The following MYO10 variants were observed in gnomAD, a reference collection of about 807,000 sequenced individuals.
MYO10 encodes myosin X.
Under a neutral mutation model 257.3 loss-of-function variants are expected in MYO10, and 133 were observed. The observed-to-expected ratio is 0.52, with a 90% confidence interval of 0.45 to 0.60. The LOEUF (loss-of-function observed/expected upper bound fraction) is 0.60, where lower values mean the gene tolerates loss of function less well. MYO10 is among the 20% of genes least tolerant of loss of function. The probability of loss-of-function intolerance (pLI) is 0.00; values close to 1 mark genes in which losing one functional copy is unlikely to be tolerated. For synonymous variants in MYO10, 1,104 were observed against 1,028.6 expected (o/e 1.07, Z -1.40); for missense variants, 2,399 against 2,635.7 (o/e 0.91, Z 1.97).
chr5:16,702,483 G>A, intron 24 of MYO10, 60 bp downstream of exon 24: 1 of 1,432,296 alleles, frequency 7.0e-7, no homozygotes. Context: ...TAGAGTCCAA[G>A]CATTAGAAGT....
Position 16,694,496 on chromosome 5 carries a change from GC to G in MYO10, c.3674del (p.Gly1225AlafsTer22), listed in dbSNP as rs760302326. The G allele has an allele frequency of 5.0e-6, 8 of 1,613,498 alleles. No homozygotes were observed. Among genetic ancestry groups the G allele is most frequent in the South Asian group, 1.1e-5 (1 of 91,062 alleles). Reference sequence around the variant, plus strand: ...AATTTCTCCTGGACAGCGTGGAGGAGCCCCCCCCTTTTTTGTGGAGCCAGCC... The same window carrying G: ...AATTTCTCCTGGACAGCGTGGAGGAGCCCCCCCTTTTTTGTGGAGCCAGCC... ...KQGWLHKKGG[G>X]SSTLSRRNWK... On this transcript the variant is annotated frameshift_variant, in exon 27 of 41. Transcript: ENST00000513610. LOFTEE classifies it high-confidence loss of function.
At chr5:16,811,555 T>C (rs1048669018) in intron 3 of MYO10, among the ~76,000 whole-genome samples, 5 of 152,184 alleles carry the variant, frequency 3.3e-5, no homozygotes, top group African/African-American at 1.2e-4. Flanking sequence ...TTCTTTTCTT[T>C]TTCTCTTTTG....
Position 16,895,476 on chromosome 5 carries a change from C to T in MYO10, c.22-17769G>A, listed in dbSNP as rs573572054. Among the ~76,000 whole-genome samples the T allele has an allele frequency of 2.0e-5, 3 of 152,274 alleles. No homozygotes were observed. The South Asian group carries it at 6.2e-4, about 32-fold the overall frequency. ...TACTGGCTCCTCATCAGCTTCTCCA[C>T]TACCCCTGGATGACACGCCCCATCT... On this transcript the variant is annotated intron_variant, in intron 1 of 40. Transcript: ENST00000513610.
intron 1 of MYO10, among the ~76,000 whole-genome samples, chr5:16,884,631 A>C (rs1744844625): frequency 6.6e-6 from 1 of 150,556 alleles, no homozygotes; most frequent in Non-Finnish European, 1.5e-5. Flanking sequence ...CAAGGACTTA[A>C]GCAGCACTTT....
chr5:16,694,639 G>T (rs1476492560), intron 26 of MYO10, 25 bp from the exon 27 acceptor site: 1 of 1,610,976 alleles, frequency 6.2e-7, no homozygotes, highest in African/African-American at 1.3e-5. Context: ...ATTGGGTAGA[G>T]AGGGGTGAAA....
chr5:16,829,197 G>A (rs556841979), intron 2 of MYO10, among the ~76,000 whole-genome samples: 8 of 152,270 alleles, frequency 5.3e-5, no homozygotes, highest in African/African-American at 1.4e-4. Flanking sequence ...GTGGTTGAGC[G>A]TGGCTGCAGC....
At chr5:16,863,508 ACACCTCAC>A (rs1744161499) in intron 2 of MYO10, among the ~76,000 whole-genome samples, 1 of 152,172 alleles carries the variant, frequency 6.6e-6, no homozygotes, top group East Asian at 1.9e-4. Context: ...AAGGTCTACA[ACACCTCAC>A]ATAGCCCACA....
intron 5 of MYO10, among the ~76,000 whole-genome samples, chr5:16,782,983 A>G (rs1741467362): frequency 6.6e-6 from 1 of 152,166 alleles, no homozygotes; most frequent in African/African-American, 2.4e-5. Flanking sequence ...AGGCCTCCAG[A>G]AAACTAGTCA....
In MYO10 at chr5:16,700,969, C is replaced by T. The variant is rs373222391; in HGVS notation, c.3426G>A (p.Gln1142=). The change falls in exon 25 of 41, where the codon CAG becomes CAA. Residue 1142 remains glutamine, a synonymous_variant. Transcript: ENST00000513610. ...ACGCCAGGCAGGTACTTACCGAGGA[C>T]TGCGCCCCCTCAGAGCTGAACCGGT... The part of the protein sequence containing the change: ...GAYRFSSEGA[Q]SSFEDSEEDF... The T allele has an allele frequency of 9.1e-5, 142 of 1,552,722 alleles. 1 individual carries two copies. The highest frequency in any genetic ancestry group is 3.4e-4 in the Middle Eastern group (2 of 5,962).
rs560961175 is a variant in MYO10 at position 16,869,093 on chromosome 5, C to A, written c.120+8516G>T. ...AGCGTGGAGTGCAGTGGCGCCATTG[C>A]GGCTCACTGCAAGCTCCGTCTCCCA... is the stretch of plus-strand genomic sequence containing the variant. On this transcript the variant is annotated intron_variant, in intron 2 of 40. Coordinates refer to ENST00000513610, the MANE Select transcript of MYO10 (RefSeq NM_012334.3). Among the ~76,000 whole-genome samples the A allele has an allele frequency of 1.1e-3, 163 of 151,984 alleles. 1 individual carries two copies. The highest frequency in any genetic ancestry group is 1.2e-3 in the Non-Finnish European group (82 of 67,988).
intron 19 of MYO10, among the ~76,000 whole-genome samples, chr5:16,715,350 A>C (rs1278097383): frequency 2.0e-5 from 3 of 151,078 alleles, no homozygotes; most frequent in African/African-American, 7.3e-5. Context: ...TGTTTCAGTC[A>C]ACGACAGACT....
chr5:16,713,185 GC>G, intron 19 of MYO10: 1 of 447,252 alleles, frequency 2.2e-6, no homozygotes, highest in South Asian at 9.4e-5. Context: ...TATCTCTCAG[GC>G]TTTCCCTGTT....
chr5:16,710,729 C>G (rs1738559420), intron 21 of MYO10, 179 bp downstream of exon 21: 1 of 604,670 alleles, frequency 1.7e-6, no homozygotes, highest in Non-Finnish European at 2.9e-6. Context: ...AAGGACTTCA[C>G]TTCAAATAAA....
Position 16,754,900 on chromosome 5 carries a change from C to A in MYO10, c.1857G>T (p.Leu619=). 2 of 1,589,898 alleles carry A rather than the reference C, an allele frequency of 1.3e-6. No individual in the cohort carries two copies. The highest frequency in any genetic ancestry group is 1.7e-6 in the Non-Finnish European group (2 of 1,164,470). The part of the protein sequence containing the change: ...PTVSSQFKDS[L]HSLMATLSSS... ...AGCTTAGCGTTGCCATTAAGGAATG[C>A]AGTGAGTCCTATTAGAAAAAGTATA... Residue 619 remains leucine, a synonymous_variant, in exon 19 of 41, where the codon CTG becomes CTT. Transcript: ENST00000513610.
chr5:16,668,030 G>A (rs1473109764), intron 40 of MYO10, among the ~76,000 whole-genome samples: 1 of 151,992 alleles, frequency 6.6e-6, no homozygotes, highest in Non-Finnish European at 1.5e-5. Flanking sequence ...TTCCTCCAAG[G>A]GTAAGACTCC....
chr5:16,845,588 C>G (rs1173189383), intron 2 of MYO10, among the ~76,000 whole-genome samples: 7 of 151,934 alleles, frequency 4.6e-5, no homozygotes, highest in Non-Finnish European at 1.0e-4. Context: ...ATTGCTTGAG[C>G]CCAGGAGCTC....
intron 19 of MYO10, among the ~76,000 whole-genome samples, chr5:16,713,904 T>G (rs576728652): frequency 6.6e-6 from 1 of 152,248 alleles, no homozygotes; most frequent in East Asian, 1.9e-4. Flanking sequence ...CAACAAAGAC[T>G]GCCTGCAGTG....
intron 1 of MYO10, among the ~76,000 whole-genome samples, chr5:16,901,679 A>T (rs1745382427): frequency 6.6e-6 from 1 of 152,170 alleles, no homozygotes; most frequent in African/African-American, 2.4e-5. Flanking sequence ...TCAAAATCCT[A>T]AATTACCTAC....
chr5:16,841,766 T>C lies in MYO10; in HGVS notation c.121-23599A>G, dbSNP rs1743487645. Among the ~76,000 whole-genome samples, 3 of 152,230 alleles carry C rather than the reference T, an allele frequency of 2.0e-5. No individual in the cohort carries two copies. In the South Asian group the frequency reaches 6.2e-4, roughly 32 times the overall value. On this transcript the variant is annotated intron_variant, in intron 2 of 40. Transcript: ENST00000513610. ...TTGTTTGCCAACTCTTCTCGCAAAC[T>C]GTTTTTCATTAATATGGCTTTTTTG...
Sources: gnomAD v4.1 joint callset for allele counts (sites outside exome capture counted in the v4.1 genomes callset) on GRCh38, gnomAD v4.1.1 for gene constraint, MANE v1.5 for transcripts, NCBI Gene and HGNC (gene_info 2026-07-23, HGNC 2026-07-21) for gene names.